SDK1: variants seen among roughly 807,000 people sequenced by gnomAD.
SDK1 encodes sidekick cell adhesion molecule 1.
SDK1 carries 157 observed loss-of-function variants against 245.5 expected under a neutral mutation model. The ratio of observed to expected loss-of-function variants is 0.64; its 90% CI spans 0.56 to 0.73. SDK1 has a LOEUF of 0.73. Among genes scored for constraint, SDK1 ranks in the 30% least tolerant of loss-of-function variants. The pLI is 0.00. For synonymous variants in SDK1, 1,647 were observed against 1,278.5 expected (o/e 1.29, Z -6.15); for missense variants, 3,583 against 3,002.3 (o/e 1.19, Z -4.52).
intron 5 of SDK1, among the ~76,000 whole-genome samples, chr7:3,918,068 A>G (rs543186129): frequency 2.0e-5 from 3 of 152,344 alleles, no homozygotes; most frequent in Admixed American, 6.5e-5. Flanking sequence ...GACAAAACAG[A>G]GGAACCTTTC....
At chr7:4,141,207 C>G (rs763404533) in intron 28 of SDK1, among the ~76,000 whole-genome samples, 3 of 152,170 alleles carry the variant, frequency 2.0e-5, no homozygotes, top group Non-Finnish European at 4.4e-5. Context: ...GTGTAGTCTG[C>G]GGCATGGCCA....
In SDK1 at chr7:3,556,654, C is replaced by G. The variant is rs533143176; in HGVS notation, c.299-62426C>G. 3.3e-5 allele frequency among the ~76,000 whole-genome samples: 5 copies of G among 151,938 alleles called. No individual in the cohort carries two copies. The South Asian group carries it at 8.3e-4, about 25-fold the overall frequency. On this transcript the variant is annotated intron_variant, in intron 1 of 44. Coordinates refer to ENST00000404826, the MANE Select transcript of SDK1 (RefSeq NM_152744.4). The stretch of plus-strand genomic sequence containing the variant: ...TGGCGAACCTGGTGAAACCTCGTCT[C>G]TACTAAAAATACAAAAATTAAGCCA...
intron 1 of SDK1, among the ~76,000 whole-genome samples, chr7:3,506,784 C>G (rs372251223): frequency 3.3e-5 from 5 of 151,332 alleles, no homozygotes; most frequent in African/African-American, 1.2e-4. Flanking sequence ...TTTTTCAACT[C>G]CAGATGTTTG....
chr7:3,734,748 C>G (rs1779273201), intron 4 of SDK1, among the ~76,000 whole-genome samples: 1 of 152,186 alleles, frequency 6.6e-6, no homozygotes, highest in African/African-American at 2.4e-5. Context: ...TACCTGAAGC[C>G]CTTCATCCTC....
At chr7:3,475,436 T>A (rs1331763990) in intron 1 of SDK1, among the ~76,000 whole-genome samples, 1 of 152,224 alleles carries the variant, frequency 6.6e-6, no homozygotes, top group Admixed American at 6.5e-5. Flanking sequence ...GTTTCCACCC[T>A]TGGAGCACGT....
intron 4 of SDK1, chr7:3,643,716 C>A (rs1782728782): frequency 6.6e-6 from 1 of 150,482 alleles, no homozygotes; most frequent in East Asian, 2.0e-4. Context: ...TCTCCCACCC[C>A]TACCTGAGCA....
chr7:3,646,004 G>A (rs1297618323), intron 4 of SDK1, among the ~76,000 whole-genome samples: 3 of 151,958 alleles, frequency 2.0e-5, no homozygotes, highest in African/African-American at 4.8e-5. Flanking sequence ...GATTACAGGC[G>A]CACCCCACTA....
At chr7:4,100,849 G>C (rs1362645499) in intron 22 of SDK1, among the ~76,000 whole-genome samples, 1 of 152,178 alleles carries the variant, frequency 6.6e-6, no homozygotes, top group African/African-American at 2.4e-5. Context: ...TTGGAGTCGG[G>C]TGAGATGGAT....
chr7:4,017,784 A>C (rs1403665599), intron 17 of SDK1, among the ~76,000 whole-genome samples: 1 of 152,212 alleles, frequency 6.6e-6, no homozygotes. Context: ...TGGTAATCGA[A>C]TTTGCAACGT....
At chr7:3,362,383 G>C (rs970775095) in intron 1 of SDK1, among the ~76,000 whole-genome samples, 2 of 151,992 alleles carry the variant, frequency 1.3e-5, no homozygotes, top group Non-Finnish European at 2.9e-5. Flanking sequence ...TTTTGTTATC[G>C]TGGTGATCTT....
At chr7:3,656,556 G>C (rs762810558) in intron 4 of SDK1, among the ~76,000 whole-genome samples, 93 of 152,142 alleles carry the variant, frequency 6.1e-4, no homozygotes, top group Non-Finnish European at 1.0e-3. Context: ...TTTAATTCAT[G>C]ACCCAGACCC....
At chr7:3,608,075 G>T (rs1469083329) in intron 1 of SDK1, among the ~76,000 whole-genome samples, 1 of 152,182 alleles carries the variant, frequency 6.6e-6, no homozygotes, top group African/African-American at 2.4e-5. Context: ...CGCGTATCCC[G>T]AGGCAGTGGT....
At chr7:3,507,229 T>A (rs1281905333) in intron 1 of SDK1, among the ~76,000 whole-genome samples, 1 of 152,186 alleles carries the variant, frequency 6.6e-6, no homozygotes, top group Non-Finnish European at 1.5e-5. Flanking sequence ...GTAGTTGTCG[T>A]TTTTTGTGTT....
intron 25 of SDK1, among the ~76,000 whole-genome samples, chr7:4,124,447 C>T (rs1291115417): frequency 6.6e-6 from 1 of 152,144 alleles, no homozygotes; most frequent in Non-Finnish European, 1.5e-5. Context: ...TGTCTCCTCC[C>T]ATGGCACTCT....
intron 4 of SDK1, among the ~76,000 whole-genome samples, chr7:3,761,666 G>A (rs934216360): frequency 2.0e-5 from 3 of 151,810 alleles, no homozygotes; most frequent in African/African-American, 7.3e-5. Flanking sequence ...CTGGAGCGCA[G>A]AGAACACAGG....
chr7:3,399,203 C>T (rs1778815699), intron 1 of SDK1, among the ~76,000 whole-genome samples: 1 of 151,848 alleles, frequency 6.6e-6, no homozygotes, highest in Admixed American at 6.6e-5. Flanking sequence ...TTTGAATTTG[C>T]TGGGTCTTTT....
At chr7:3,916,492 C>A (rs1002320091) in intron 5 of SDK1, among the ~76,000 whole-genome samples, 32 of 152,126 alleles carry the variant, frequency 2.1e-4, no homozygotes, top group Non-Finnish European at 2.5e-4. Context: ...TGAACTCTTG[C>A]CATCTTTGTC....
At chr7:3,559,131 C>G (rs1356985702) in intron 1 of SDK1, among the ~76,000 whole-genome samples, 2 of 152,112 alleles carry the variant, frequency 1.3e-5, no homozygotes, top group African/African-American at 2.4e-5. Context: ...GTGTGTAAGT[C>G]AGATGCTGAA....
chr7:3,812,575 A>G (rs1040248048), intron 4 of SDK1, among the ~76,000 whole-genome samples: 4 of 152,204 alleles, frequency 2.6e-5, no homozygotes, highest in Non-Finnish European at 5.9e-5. Context: ...CTCTCCTAGA[A>G]AAGGATGCCC....
Sources: gnomAD v4.1 joint callset for allele counts (sites outside exome capture counted in the v4.1 genomes callset) on GRCh38, gnomAD v4.1.1 for gene constraint, MANE v1.5 for transcripts, NCBI Gene and HGNC (gene_info 2026-07-23, HGNC 2026-07-21) for gene names.